Variants in TBC1D10A observed in about 807,000 individuals in gnomAD.
TBC1D10A encodes the protein EBP50-PDX interactor of 64 kDa.
Under a neutral mutation model 52.9 loss-of-function variants are expected in TBC1D10A, and 24 were observed. The ratio of observed to expected loss-of-function variants is 0.45; its 90% CI spans 0.33 to 0.64. TBC1D10A has a LOEUF of 0.64. Among genes scored for constraint, TBC1D10A ranks in the 30% least tolerant of loss-of-function variants. The pLI, the probability that TBC1D10A is intolerant of heterozygous loss-of-function variation, is 0.02. For synonymous variants in TBC1D10A, 278 were observed against 282.9 expected, an observed-to-expected ratio of 0.98 and a Z score of 0.17; for missense variants, 602 against 687.9, an observed-to-expected ratio of 0.88 and a Z score of 1.40.
At chr22:30,322,411 T>G (rs535574740) in intron 1 of TBC1D10A, among the ~76,000 whole-genome samples, 1 of 152,022 alleles carries the variant, frequency 6.6e-6, no homozygotes, top group Non-Finnish European at 1.5e-5. Flanking sequence ...CTGTGGCTAC[T>G]ACTCAAAAAC....
At chr22:30,305,139 G>GT (rs1269506485) in intron 1 of TBC1D10A, among the ~76,000 whole-genome samples, 2 of 152,192 alleles carry the variant, frequency 1.3e-5, no homozygotes, top group Non-Finnish European at 2.9e-5. Context: ...ATTCATGCCA[G>GT]TAACTTTGCT....
rs1234549566 is a variant in TBC1D10A at position 30,326,864 on chromosome 22, T to C, written c.18A>G (p.Gly6=). MAKSN[G]ENGPRAPAAG... The stretch of plus-strand genomic sequence containing the variant: ...CCGCGGGCGCGCGCGGCCCATTCTC[T>C]CCGTTGCTCTTCGCCATCCCAGCCG... Residue 6 remains glycine (G), a synonymous_variant, in exon 1 of 9, where the codon GGA becomes GGG. Transcript: ENST00000215790. 2 of 1,505,920 alleles carry C rather than the reference T, an allele frequency of 1.3e-6. No homozygotes were observed. The highest frequency in any genetic ancestry group is 1.8e-6 in the Non-Finnish European group (2 of 1,136,328). The allele number at this position is 1,505,920 out of a possible 1,614,324, so 93.3% of individuals were successfully genotyped here. A position where few individuals can be genotyped will look rare whatever the true frequency, so the allele number is the denominator to read the frequency against.
At chr22:30,292,979 G>A (rs1929984826) in intron 8 of TBC1D10A, 128 bp from the exon 9 acceptor site, 3 of 1,054,552 alleles carry the variant, frequency 2.8e-6, no homozygotes, top group African/African-American at 1.6e-5. Flanking sequence ...ACCCCAGGAA[G>A]GATGAGGGTC....
rs1194150636 is a variant in TBC1D10A, at chr22:30,297,964, C to G, written c.417+1480G>C. 6.6e-6 allele frequency: 1 copy of G among 152,248 alleles called. No individual in the cohort carries two copies. Among genetic ancestry groups the G allele is most frequent in the Non-Finnish European group, 1.5e-5 (1 of 68,062 alleles). The allele number at this position is 152,248 out of a possible 1,614,324, so 9.4% of individuals were successfully genotyped here. A position where few individuals can be genotyped will look rare whatever the true frequency, so the allele number is the denominator to read the frequency against. ...CCCAGAACCATGCAGGAACCCGTCACTCAGCTTCGGTGCATCAAGAAGGCC... is the reference window on the plus strand; with the variant it reads ...CCCAGAACCATGCAGGAACCCGTCAGTCAGCTTCGGTGCATCAAGAAGGCC... On this transcript the variant is annotated intron_variant, in intron 3 of 8. Coordinates refer to ENST00000215790, the MANE Select transcript of TBC1D10A (RefSeq NM_031937.3). This position sits in a 1 kb window ranked among gnomAD's most constrained non-coding sequence, Gnocchi z 4.3.
intron 6 of TBC1D10A, 99 bp from the exon 7 acceptor site, chr22:30,294,209 A>C (rs1930023984): frequency 7.2e-7 from 1 of 1,380,524 alleles, no homozygotes; most frequent in Non-Finnish European, 9.9e-7. Flanking sequence ...CAGCAGGCTC[A>C]GGCAGCTACC....
At chr22:30,306,622 CA>C (rs1214112759) in intron 1 of TBC1D10A, among the ~76,000 whole-genome samples, 1 of 152,186 alleles carries the variant, frequency 6.6e-6, no homozygotes, top group African/African-American at 2.4e-5. Flanking sequence ...CAGAAACAAA[CA>C]AAAAACCCAC....
intron 1 of TBC1D10A, among the ~76,000 whole-genome samples, chr22:30,304,995 T>C (rs891060364): frequency 1.3e-5 from 2 of 152,210 alleles, no homozygotes; most frequent in Non-Finnish European, 2.9e-5. Flanking sequence ...AGAGGGCCGG[T>C]GTACAAGGTG....
chr22:30,293,535 G>A, intron 8 of TBC1D10A, 116 bp downstream of exon 8: 1 of 1,417,518 alleles, frequency 7.1e-7, no homozygotes, highest in Admixed American at 2.0e-5. Flanking sequence ...GTGTTGCCTA[G>A]CAATGGTCCT....
In TBC1D10A at chr22:30,293,907, G is replaced by A. The variant is rs747395164; in HGVS notation, c.895+14C>T. The A allele has an allele frequency of 9.9e-6, 16 of 1,608,934 alleles. No homozygotes were observed. Among genetic ancestry groups the A allele is most frequent in the Non-Finnish European group, 1.4e-5 (16 of 1,175,662 alleles). ...CTGGGGACAGGGGTGCTCCCCCCAA[G>A]CCCAGCCCAGTACCTTCACAGAAGA... On this transcript the variant is annotated intron_variant, in intron 7 of 8. Transcript: ENST00000215790.
intron 1 of TBC1D10A, among the ~76,000 whole-genome samples, chr22:30,309,469 C>A (rs571542240): frequency 2.0e-5 from 3 of 152,322 alleles, no homozygotes; most frequent in Admixed American, 6.5e-5. Flanking sequence ...TGTGATCCAC[C>A]CGCCTCAGCC....
Position 30,305,050 on chromosome 22 carries a change from T to C in TBC1D10A, c.210-420A>G, listed in dbSNP as rs553641830. On this transcript the variant is annotated intron_variant, in intron 1 of 8. Transcript: ENST00000215790. ...TAGTCAAACGAGTACAGAAATAATA[T>C]GCTCACCTCTTTACTTGAGCCAAAC... Among the ~76,000 whole-genome samples the C allele has an allele frequency of 3.9e-5, 6 of 152,298 alleles. No homozygotes were observed. The East Asian group carries it at 9.6e-4, about 24-fold the overall frequency.
rs758469862 is a variant in TBC1D10A, at chr22:30,304,555, T to C, written c.285A>G (p.Lys95=). Residue 95 remains lysine (K), a synonymous_variant, in exon 2 of 9, where the codon AAA becomes AAG. Transcript: ENST00000215790. ...CCTTTTTGTGCTTCTTGGCCATCCA[T>C]TTGTCCCAGTTGTTGAGCATGTCCA... ...KWLDMLNNWD[K]WMAKKHKKIR... 6.2e-7 allele frequency: 1 copy of C among 1,614,094 alleles called. No individual in the cohort carries two copies. The highest frequency in any genetic ancestry group is 8.5e-7 in the Non-Finnish European group (1 of 1,179,978).
chr22:30,315,591 G>A (rs892942927), intron 1 of TBC1D10A, among the ~76,000 whole-genome samples: 2 of 152,220 alleles, frequency 1.3e-5, no homozygotes, highest in East Asian at 1.9e-4. Flanking sequence ...GAAGCCAAGC[G>A]AAGATGAAAG....
In TBC1D10A at chr22:30,292,926, C is replaced by T. The variant is rs1929983704; in HGVS notation, c.1051-75G>A. On this transcript the variant is annotated intron_variant, in intron 8 of 8. Coordinates refer to ENST00000215790, the MANE Select transcript of TBC1D10A (RefSeq NM_031937.3). ...CCCTTCTGCCTCCCAGCCTGGGCCC[C>T]CAGTCTTCCTCAGCATCCCCCAGCC... 1.7e-5 allele frequency: 26 copies of T among 1,531,478 alleles called. No homozygotes were observed. The South Asian group carries it at 2.4e-4, about 14-fold the overall frequency. The allele number at this position is 1,531,478 out of a possible 1,614,324, so 94.9% of individuals were successfully genotyped here.
intron 3 of TBC1D10A, 90 bp downstream of exon 3, chr22:30,299,354 A>C: frequency 1.6e-6 from 2 of 1,275,372 alleles, no homozygotes. Flanking sequence ...TCATCCTGTG[A>C]GGTTCAGGTG....
At chr22:30,308,062 T>C (rs1041964145) in intron 1 of TBC1D10A, among the ~76,000 whole-genome samples, 4 of 152,220 alleles carry the variant, frequency 2.6e-5, no homozygotes, top group African/African-American at 4.8e-5. Flanking sequence ...TCCTGAAGTG[T>C]TGGGATTACA....
rs1250519935 is a variant in TBC1D10A, at chr22:30,297,973, G to A, written c.417+1471C>T. ...ATGCAGGAACCCGTCACTCAGCTTC[G>A]GTGCATCAAGAAGGCCTTCTCTGCA... On this transcript the variant is annotated intron_variant, in intron 3 of 8. Coordinates refer to ENST00000215790, the MANE Select transcript of TBC1D10A (RefSeq NM_031937.3). The surrounding 1 kb of genome is among the most constrained non-coding windows in gnomAD (Gnocchi z 4.3). The A allele has an allele frequency of 2.0e-5, 3 of 152,138 alleles. No individual in the cohort carries two copies. Among genetic ancestry groups the A allele is most frequent in the African/African-American group, 4.8e-5 (2 of 41,404 alleles). The allele number at this position is 152,138 out of a possible 1,614,324, so 9.4% of individuals were successfully genotyped here.
chr22:30,295,132 C>G lies in TBC1D10A; in HGVS notation c.525-77G>C. 4.2e-6 allele frequency: 6 copies of G among 1,415,442 alleles called. No homozygotes were observed. The South Asian group carries it at 7.1e-5, about 17-fold the overall frequency. 87.7% of individuals were successfully genotyped at this position (1,415,442 alleles called of 1,614,324 possible). A position where few individuals can be genotyped will look rare whatever the true frequency, so the allele number is the denominator to read the frequency against. ...CGGCCTTCACCTATGCCCCAGTGGA[C>G]CAGCCAGCCTCAGAATCTGCCCCTC... On this transcript the variant is annotated intron_variant, in intron 4 of 8. Transcript: ENST00000215790.
intron 1 of TBC1D10A, among the ~76,000 whole-genome samples, chr22:30,324,345 A>C (rs551391634): frequency 1.1e-4 from 16 of 152,232 alleles, no homozygotes; most frequent in African/African-American, 1.9e-4. Context: ...ACCACAATAT[A>C]AATTAAGTAG....
Sources: allele counts gnomAD v4.1 joint callset (sites outside exome capture counted in the v4.1 genomes callset), GRCh38; gene constraint gnomAD v4.1.1; non-coding constraint Gnocchi (gnomAD v3.1); transcripts MANE v1.5; gene names NCBI Gene and HGNC (gene_info 2026-07-23, HGNC 2026-07-21).